FAM76A: variants seen among roughly 807,000 people sequenced by gnomAD.
The protein encoded by FAM76A is family with sequence similarity 76 member A.
In FAM76A, 32 loss-of-function variants were observed where a neutral mutation model predicts 46.2. The observed-to-expected ratio is 0.69, with a 90% CI of 0.52 to 0.93. The LOEUF is 0.93. Among genes scored for constraint, FAM76A ranks in the 40% least tolerant of loss-of-function variants. FAM76A has a pLI of 0.00. For synonymous variants in FAM76A, 137 were observed against 127.0 expected (o/e 1.08, Z -0.53); for missense variants, 274 against 361.5 (o/e 0.76, Z 1.96).
chr1:27,737,937 C>T lies in FAM76A; in HGVS notation c.354+3754C>T, dbSNP rs370159649. On this transcript the variant is annotated intron_variant, in intron 4 of 8. Coordinates refer to ENST00000373954, the MANE Select transcript of FAM76A (RefSeq NM_152660.3). Reference sequence around the variant, plus strand: ...AGGCGTGGTGGTGCATGTGTGGTTCCAGCTACCTGGGAGGCTGAGGTGGGA... The same window carrying T: ...AGGCGTGGTGGTGCATGTGTGGTTCTAGCTACCTGGGAGGCTGAGGTGGGA... Among the ~76,000 whole-genome samples the T allele has an allele frequency of 1.3e-3, 195 of 149,834 alleles. 1 individual carries two copies. Among genetic ancestry groups the T allele is most frequent in the African/African-American group, 4.6e-3 (188 of 40,888 alleles).
chr1:27,748,471 T>G (rs2088279916), intron 5 of FAM76A, among the ~76,000 whole-genome samples: 3 of 124,070 alleles, frequency 2.4e-5, no homozygotes, highest in Non-Finnish European at 4.8e-5. Flanking sequence ...TTATTGAAGT[T>G]TTTTTTTTTT....
intron 4 of FAM76A, among the ~76,000 whole-genome samples, chr1:27,738,026 G>A (rs564788070): frequency 5.7e-4 from 87 of 151,770 alleles, no homozygotes; most frequent in Non-Finnish European, 9.4e-4. Context: ...GCACTGCAAT[G>A]TGGGTGAGAG....
intron 3 of FAM76A, among the ~76,000 whole-genome samples, chr1:27,733,190 C>T (rs1250618709): frequency 6.6e-6 from 1 of 152,134 alleles, no homozygotes; most frequent in East Asian, 1.9e-4. Flanking sequence ...CCTCAGCCTC[C>T]CAAAGTGCTG....
chr1:27,756,612 C>G (rs1227994866), intron 7 of FAM76A, among the ~76,000 whole-genome samples: 1 of 150,754 alleles, frequency 6.6e-6, no homozygotes, highest in Non-Finnish European at 1.5e-5. Context: ...ATTTTATTTT[C>G]ACATCAGAAT....
intron 4 of FAM76A, chr1:27,740,606 C>T: frequency 1.3e-6 from 1 of 754,862 alleles, no homozygotes; most frequent in South Asian, 1.6e-5. Context: ...AGAAGCCACT[C>T]AAAAACATTC....
Position 27,744,892 on chromosome 1 carries a change from T to C in FAM76A, c.512+81T>C, listed in dbSNP as rs189451568. 4.3e-4 allele frequency: 565 copies of C among 1,323,786 alleles called. 1 individual carries two copies. Among genetic ancestry groups the C allele is most frequent in the Non-Finnish European group, 5.6e-4 (532 of 948,994 alleles). 82.0% of individuals were successfully genotyped at this position (1,323,786 alleles called of 1,614,324 possible). A position where few individuals can be genotyped will look rare whatever the true frequency, so the allele number is the denominator to read the frequency against. On this transcript the variant is annotated intron_variant, in intron 5 of 8. Coordinates refer to ENST00000373954, the MANE Select transcript of FAM76A (RefSeq NM_152660.3). ...CTCACATAACCATCATGGTACATACTACCATCTCATATACATTTTCTATAT... is the reference window on the plus strand; with the variant it reads ...CTCACATAACCATCATGGTACATACCACCATCTCATATACATTTTCTATAT...
At chr1:27,740,131 A>G in intron 4 of FAM76A, 1 of 477,054 alleles carries the variant, frequency 2.1e-6, no homozygotes, top group South Asian at 1.9e-5. Context: ...CAGCTAGTCC[A>G]GGACCTTTTC....
rs2088474038 is a variant in FAM76A, at chr1:27,759,779, G to GTTTGTTTTTTTTT, written c.837+155_837+156insGTTTTTTTTTTTT. ...TCCCCCTTTTAGGTTTTTTTTTTTT[G>GTTTGTTTTTTTTT]TTTTTTTTTTGAGACAGGTTCTCTG... On this transcript the variant is annotated intron_variant, in intron 8 of 8. Coordinates refer to ENST00000373954, the MANE Select transcript of FAM76A (RefSeq NM_152660.3). The GTTTGTTTTTTTTT allele has an allele frequency of 5.5e-5, 20 of 363,592 alleles. No individual in the cohort carries two copies. In the African/African-American group the frequency reaches 5.9e-4, roughly 11 times the overall value. 22.5% of individuals were successfully genotyped at this position (363,592 alleles called of 1,614,324 possible).
At chr1:27,745,332 A>T (rs1482046995) in intron 5 of FAM76A, among the ~76,000 whole-genome samples, 4 of 152,144 alleles carry the variant, frequency 2.6e-5, no homozygotes, top group Non-Finnish European at 4.4e-5. Context: ...TCTCATCTGT[A>T]AAATGAGGGA....
intron 4 of FAM76A, among the ~76,000 whole-genome samples, chr1:27,742,874 C>T (rs1037323925): frequency 1.3e-5 from 2 of 151,928 alleles, no homozygotes; most frequent in East Asian, 1.9e-4. Context: ...GCCTGGCCAT[C>T]GTGGTGAAAC....
chr1:27,730,830 G>A (rs532447359), intron 2 of FAM76A, among the ~76,000 whole-genome samples: 6 of 152,230 alleles, frequency 3.9e-5, no homozygotes, highest in African/African-American at 7.2e-5. Flanking sequence ...TTTTGTGTGT[G>A]TGTGTGACAG....
chr1:27,727,639 A>G, intron 2 of FAM76A, 103 bp downstream of exon 2: 1 of 825,794 alleles, frequency 1.2e-6, no homozygotes, highest in Non-Finnish European at 2.0e-6. Context: ...GTTGCATTGT[A>G]AAATACAGAT....
At chr1:27,760,347 A>G (rs2088483814) in intron 8 of FAM76A, 148 bp from the exon 9 acceptor site, 1 of 574,062 alleles carries the variant, frequency 1.7e-6, no homozygotes, top group Non-Finnish European at 3.0e-6. Context: ...CAAGCCCTAG[A>G]GCTTCCTGTT....
At chr1:27,744,858 G>A (rs140057912) in intron 5 of FAM76A, 47 bp downstream of exon 5, 4 of 1,571,762 alleles carry the variant, frequency 2.5e-6, no homozygotes, top group Non-Finnish European at 3.5e-6. Context: ...TGGTAGGTCA[G>A]ATGTAATGCT....
At chr1:27,749,218 A>G in intron 6 of FAM76A, 64 bp downstream of exon 6, 2 of 1,148,290 alleles carry the variant, frequency 1.7e-6, no homozygotes, top group Admixed American at 2.4e-5. Context: ...TGAAACAGGA[A>G]TACATTTAGG....
chr1:27,760,399 A>G, intron 8 of FAM76A, 96 bp from the exon 9 acceptor site: 1 of 918,168 alleles, frequency 1.1e-6, no homozygotes, highest in Non-Finnish European at 1.6e-6. Flanking sequence ...CTGACCCTCC[A>G]CATTGTCTGC....
At chr1:27,742,459 GCCA>G (rs1395355031) in intron 4 of FAM76A, among the ~76,000 whole-genome samples, 3 of 152,106 alleles carry the variant, frequency 2.0e-5, no homozygotes, top group Non-Finnish European at 4.4e-5. Context: ...GCCATGGCAG[GCCA>G]CCACGAGGGA....
chr1:27,735,055 C>T (rs2088021996), intron 4 of FAM76A, among the ~76,000 whole-genome samples: 1 of 152,238 alleles, frequency 6.6e-6, no homozygotes, highest in African/African-American at 2.4e-5. Flanking sequence ...TCAGTCTCAT[C>T]TTGCATCATA....
At chr1:27,731,908 G>A (rs563849818) in intron 2 of FAM76A, among the ~76,000 whole-genome samples, 32 of 152,094 alleles carry the variant, frequency 2.1e-4, no homozygotes, top group African/African-American at 7.0e-4. Context: ...TGCAACCTCC[G>A]CCTCCCGGGT....
Sources: allele counts gnomAD v4.1 joint callset (sites outside exome capture counted in the v4.1 genomes callset), GRCh38; gene constraint gnomAD v4.1.1; transcripts MANE v1.5; gene names NCBI Gene and HGNC (gene_info 2026-07-23, HGNC 2026-07-21).